The following SENP7 variants were observed in gnomAD, a reference collection of about 807,000 sequenced individuals.
The protein encoded by SENP7 is sentrin-specific protease 7.
SENP7 carries 64 observed loss-of-function variants against 141.2 expected under a neutral mutation model. That is an observed-to-expected ratio of 0.45 (90% CI 0.37 to 0.56). The LOEUF (loss-of-function observed/expected upper bound fraction) is 0.56, where lower values mean the gene tolerates loss of function less well. Ranked by LOEUF, SENP7 falls within the 20% of genes least tolerant of loss-of-function variation. SENP7 has a pLI of 0.00. For missense variants in SENP7, 1,025 were observed against 1,212.2 expected (o/e 0.85, Z 2.29); for synonymous variants, 382 against 426.4 (o/e 0.90, Z 1.28).
chr3:101,452,917 A>G (rs1243468065), intron 4 of SENP7, among the ~76,000 whole-genome samples: 1 of 152,228 alleles, frequency 6.6e-6, no homozygotes. Flanking sequence ...CTACCATCAG[A>G]GTGAACAGGC....
intron 3 of SENP7, among the ~76,000 whole-genome samples, chr3:101,478,980 A>G (rs1302945638): frequency 6.6e-6 from 1 of 152,176 alleles, no homozygotes; most frequent in Non-Finnish European, 1.5e-5. Flanking sequence ...GATGCAAAAA[A>G]AAATTTGATA....
intron 1 of SENP7, among the ~76,000 whole-genome samples, chr3:101,502,413 C>G (rs549447536): frequency 1.6e-4 from 24 of 152,340 alleles, no homozygotes; most frequent in African/African-American, 5.8e-4. Context: ...AGCGATTCTT[C>G]TGCCTCAGCC....
At position 101,382,226 on chromosome 3, in the gene SENP7, G is replaced by C. The variant is rs140086560; in HGVS notation, c.678-10100C>G. 3.6e-3 allele frequency among the ~76,000 whole-genome samples: 547 copies of C among 152,016 alleles called. 3 individuals are homozygous for C. The highest frequency in any genetic ancestry group is 6.1e-3 in the Non-Finnish European group (418 of 67,982). ...GGGTCTCACTCTGTCACCCATGCTG[G>C]AGTGCAGTGGCTTGATCATCGCTCA... On this transcript the variant is annotated intron_variant, in intron 6 of 23. Coordinates refer to ENST00000394095, the MANE Select transcript of SENP7 (RefSeq NM_020654.5).
chr3:101,452,384 CA>C (rs1441323981), intron 4 of SENP7, among the ~76,000 whole-genome samples: 1 of 151,972 alleles, frequency 6.6e-6, no homozygotes, highest in Admixed American at 6.6e-5. Flanking sequence ...CATATGGAAC[CA>C]AAAAAGAGCC....
intron 3 of SENP7, among the ~76,000 whole-genome samples, chr3:101,473,097 G>A (rs2064073444): frequency 1.3e-5 from 2 of 151,548 alleles, no homozygotes; most frequent in Non-Finnish European, 3.0e-5. Flanking sequence ...TCATTTTATG[G>A]TGTATATGTG....
intron 6 of SENP7, among the ~76,000 whole-genome samples, chr3:101,394,764 C>T (rs967203401): frequency 2.0e-5 from 3 of 152,008 alleles, no homozygotes; most frequent in African/African-American, 7.2e-5. Context: ...ACATTCCCAC[C>T]AACAGTGTAT....
intron 5 of SENP7, among the ~76,000 whole-genome samples, chr3:101,410,609 C>T (rs1461116786): frequency 6.6e-6 from 1 of 152,036 alleles, no homozygotes. Context: ...CACTTTGGGA[C>T]ACCAAGATGG....
intron 6 of SENP7, among the ~76,000 whole-genome samples, chr3:101,385,371 A>C (rs946581532): frequency 3.3e-5 from 5 of 152,076 alleles, no homozygotes; most frequent in African/African-American, 9.7e-5. Flanking sequence ...TAAATCTGCC[A>C]CATTTAGGAG....
intron 17 of SENP7, among the ~76,000 whole-genome samples, chr3:101,335,900 C>T (rs1435371199): frequency 1.3e-5 from 2 of 152,182 alleles, no homozygotes; most frequent in African/African-American, 4.8e-5. Flanking sequence ...AACTGATCCT[C>T]GCAGGTCTTG....
At chr3:101,496,614 GT>G (rs2065168731) in intron 2 of SENP7, among the ~76,000 whole-genome samples, 1 of 137,890 alleles carries the variant, frequency 7.3e-6, no homozygotes, top group Non-Finnish European at 1.5e-5. Context: ...GTCTCGTTCT[GT>G]TTCCCAGGCT....
chr3:101,427,831 C>T (rs1346928887), intron 4 of SENP7, among the ~76,000 whole-genome samples: 4 of 152,066 alleles, frequency 2.6e-5, no homozygotes, highest in Non-Finnish European at 4.4e-5. Flanking sequence ...TTTCTCCTAA[C>T]GCTATCCCTC....
intron 3 of SENP7, among the ~76,000 whole-genome samples, chr3:101,469,029 GC>G (rs1256843282): frequency 6.6e-6 from 1 of 151,850 alleles, no homozygotes; most frequent in Non-Finnish European, 1.5e-5. Flanking sequence ...GATCTACCAA[GC>G]AAATGGAAAG....
At chr3:101,480,517 A>G (rs540317919) in intron 3 of SENP7, among the ~76,000 whole-genome samples, 2 of 152,318 alleles carry the variant, frequency 1.3e-5, no homozygotes, top group East Asian at 1.9e-4. Flanking sequence ...TACAAAAATC[A>G]ACTTAAGATG....
At chr3:101,407,026 A>T (rs2061326425) in intron 5 of SENP7, among the ~76,000 whole-genome samples, 1 of 152,208 alleles carries the variant, frequency 6.6e-6, no homozygotes, top group African/African-American at 2.4e-5. Flanking sequence ...ATGGGAAGAG[A>T]ATTCGCCATT....
intron 3 of SENP7, among the ~76,000 whole-genome samples, chr3:101,469,830 C>CAAAAAAA (rs58498056): frequency 4.5e-4 from 11 of 24,692 alleles, no homozygotes; most frequent in Non-Finnish European, 7.3e-4. Context: ...GACTCCGTCT[C>CAAAAAAA]AAAAAAAAAA....
intron 4 of SENP7, among the ~76,000 whole-genome samples, chr3:101,451,166 G>C (rs557730327): frequency 6.6e-6 from 1 of 152,244 alleles, no homozygotes; most frequent in Non-Finnish European, 1.5e-5. Context: ...ACTAAATCAG[G>C]AAGAAGTTGA....
At chr3:101,409,918 A>G (rs1222400133) in intron 5 of SENP7, among the ~76,000 whole-genome samples, 1 of 152,230 alleles carries the variant, frequency 6.6e-6, no homozygotes, top group Non-Finnish European at 1.5e-5. Context: ...ATGCAATAAA[A>G]ACAAAGTTAA....
intron 4 of SENP7, among the ~76,000 whole-genome samples, chr3:101,448,801 C>T (rs2062999177): frequency 6.6e-6 from 1 of 152,016 alleles, no homozygotes; most frequent in Non-Finnish European, 1.5e-5. Flanking sequence ...AAACTGGAAA[C>T]TCTAAAAATC....
chr3:101,480,223 G>C (rs1269592155), intron 3 of SENP7, among the ~76,000 whole-genome samples: 1 of 152,028 alleles, frequency 6.6e-6, no homozygotes, highest in Non-Finnish European at 1.5e-5. Context: ...AAACATTCCT[G>C]AGAAAACAGA....
Sources: gnomAD v4.1 joint callset for allele counts (sites outside exome capture counted in the v4.1 genomes callset) on GRCh38, gnomAD v4.1.1 for gene constraint, MANE v1.5 for transcripts, NCBI Gene and HGNC (gene_info 2026-07-23, HGNC 2026-07-21) for gene names.